EXPH5: variants seen among roughly 807,000 people sequenced by gnomAD.
The protein encoded by EXPH5 is exophilin-5.
In EXPH5, 42 loss-of-function variants were observed where a neutral mutation model predicts 41.1. The ratio of observed to expected loss-of-function variants is 1.02; its 90% CI spans 0.80 to 1.32. The LOEUF (loss-of-function observed/expected upper bound fraction) is 1.32. EXPH5 is among the 40% of genes most tolerant of loss of function. EXPH5 has a pLI of 0.00. For missense variants in EXPH5, 2,298 were observed against 2,314.5 expected (o/e 0.99, Z 0.15); for synonymous variants, 798 against 833.5 (o/e 0.96, Z 0.73).
At chr11:108,574,751 G>C (rs1222025075) in intron 1 of EXPH5, among the ~76,000 whole-genome samples, 1 of 152,138 alleles carries the variant, frequency 6.6e-6, no homozygotes, top group Non-Finnish European at 1.5e-5. Context: ...TTCTGGTCAA[G>C]GAAATATAAA....
chr11:108,517,867 T>G lies in EXPH5; in HGVS notation c.631+368A>C, dbSNP rs372217224. On this transcript the variant is annotated intron_variant, in intron 5 of 5. Transcript: ENST00000265843. The stretch of plus-strand genomic sequence containing the variant: ...TCCGCCTCCCAGGTTCAAGCACTTC[T>G]CCTGCCTCAGCCTCCCAAGTAGCTG... 9.9e-5 allele frequency among the ~76,000 whole-genome samples: 15 copies of G among 152,108 alleles called. 1 individual carries two copies. In the East Asian group the frequency reaches 1.3e-3, roughly 14 times the overall value.
chr11:108,555,180 C>A (rs2136066586), intron 1 of EXPH5, among the ~76,000 whole-genome samples: 1 of 152,362 alleles, frequency 6.6e-6, no homozygotes, highest in Non-Finnish European at 1.5e-5. Context: ...AGCTCTCACA[C>A]TGCACTGAAT....
chr11:108,595,443 G>A (rs1371046199), upstream of EXPH5, among the ~76,000 whole-genome samples: 1 of 152,142 alleles, frequency 6.6e-6, no homozygotes, highest in African/African-American at 2.4e-5. Context: ...TCTAGGCAAG[G>A]GGATCAGCGT....
chr11:108,575,830 C>T (rs984045577), intron 1 of EXPH5, among the ~76,000 whole-genome samples: 1 of 152,000 alleles, frequency 6.6e-6, no homozygotes, highest in Non-Finnish European at 1.5e-5. Context: ...AAAAATTAGC[C>T]GGGTGTGGTG....
rs763477058 is a variant in EXPH5 at position 108,538,985 on chromosome 11, AT to A, written c.443+38del. The A allele has an allele frequency of 2.0e-6, 3 of 1,494,980 alleles. No homozygotes were observed. In the East Asian group the frequency reaches 7.0e-5, roughly 35 times the overall value. 92.6% of individuals were successfully genotyped at this position (1,494,980 alleles called of 1,614,324 possible). A position where few individuals can be genotyped will look rare whatever the true frequency, so the allele number is the denominator to read the frequency against. ...ACAGGCTGCTGGCCTCTGATATCGG[AT>A]AACAAATGGGCCGTAACATGACCTG... On this transcript the variant is annotated intron_variant, in intron 3 of 5. Coordinates refer to ENST00000265843, the MANE Select transcript of EXPH5 (RefSeq NM_015065.3).
chr11:108,535,148 G>A (rs1221419337), intron 3 of EXPH5, among the ~76,000 whole-genome samples: 1 of 152,144 alleles, frequency 6.6e-6, no homozygotes, highest in African/African-American at 2.4e-5. Context: ...CAGCAGTTCC[G>A]AAATTTGAAT....
chr11:108,515,236 T>C (rs1024339653), intron 5 of EXPH5, among the ~76,000 whole-genome samples: 1 of 152,188 alleles, frequency 6.6e-6, no homozygotes, highest in Admixed American at 6.5e-5. Flanking sequence ...ATGGAATTAA[T>C]AATGCAGACA....
Position 108,509,390 on chromosome 11 carries a change from G to T in EXPH5, c.*147C>A. 1 of 649,800 alleles carries T rather than the reference G, an allele frequency of 1.5e-6. No individual in the cohort carries two copies. The highest frequency in any genetic ancestry group is 2.5e-6 in the Non-Finnish European group (1 of 394,704). 40.3% of individuals were successfully genotyped at this position (649,800 alleles called of 1,614,324 possible). A position where few individuals can be genotyped will look rare whatever the true frequency, so the allele number is the denominator to read the frequency against. On this transcript the variant is annotated 3_prime_UTR_variant, in exon 6 of 6. Transcript: ENST00000265843. Reference sequence around the variant, plus strand: ...CATTCAGGAAGTGTCTATATAGGGTGTGGAGGAAAAAAAAGGAGATGTGGG... The same window carrying T: ...CATTCAGGAAGTGTCTATATAGGGTTTGGAGGAAAAAAAAGGAGATGTGGG...
upstream of EXPH5, among the ~76,000 whole-genome samples, chr11:108,596,137 G>A (rs1051481035): frequency 6.6e-5 from 10 of 151,802 alleles, no homozygotes; most frequent in South Asian, 2.1e-4. Flanking sequence ...GGAGGTTGCA[G>A]TGAGCCGAGA....
chr11:108,584,708 G>A (rs750654834), intron 1 of EXPH5, among the ~76,000 whole-genome samples: 5 of 152,144 alleles, frequency 3.3e-5, no homozygotes, highest in Non-Finnish European at 5.9e-5. Context: ...GCATTAATAT[G>A]CAAAAATAAA....
Position 108,510,180 on chromosome 11 carries a change from T to G in EXPH5, c.5327A>C (p.Gln1776Pro). ...VSSPLASFLQ[Q>P]QRSASSLEWE... ...CTCCAGAGATGAAGCACTCCTTTGT[T>G]GCTGCAGAAAACTGGCCAGTGGACT... Residue 1776 changes from glutamine to proline, a missense_variant, in exon 6 of 6, where the codon CAA becomes CCA. Coordinates refer to ENST00000265843, the MANE Select transcript of EXPH5 (RefSeq NM_015065.3). 1.9e-6 allele frequency: 3 copies of G among 1,614,102 alleles called. No homozygotes were observed. Among genetic ancestry groups the G allele is most frequent in the Non-Finnish European group, 2.5e-6 (3 of 1,180,030 alleles).
At chr11:108,556,415 GAGA>G (rs2093990257) in intron 1 of EXPH5, among the ~76,000 whole-genome samples, 1 of 152,096 alleles carries the variant, frequency 6.6e-6, no homozygotes, top group Admixed American at 6.6e-5. Flanking sequence ...CCTACTACAG[GAGA>G]AGGTCAGTAC....
At position 108,513,178 on chromosome 11, in the gene EXPH5, C is replaced by T. The variant is rs3741048; in HGVS notation, c.2329G>A (p.Asp777Asn). 608 of 1,614,076 alleles carry T rather than the reference C, an allele frequency of 3.8e-4. 4 individuals carry two copies. In the East Asian group the frequency reaches 7.9e-3, roughly 21 times the overall value. The change falls in exon 6 of 6, where the codon GAT (aspartate) becomes AAT (asparagine). Residue 777 changes from aspartate to asparagine, a missense_variant. Physicochemically the swap from Asp to Asn is conservative, Grantham distance 23 (BLOSUM62 1). Transcript: ENST00000265843. ...TGCGGTATATACATTTTGGAGGTAT[C>T]TTTCCTGGAAAAGACTCTGGGTGAC... ...KKSPRVFSRK[D>N]TSKMYIPHTD...
At chr11:108,535,811 T>G (rs2093875953) in intron 3 of EXPH5, among the ~76,000 whole-genome samples, 1 of 152,152 alleles carries the variant, frequency 6.6e-6, no homozygotes, top group Admixed American at 6.5e-5. Flanking sequence ...TATCACTTAT[T>G]CATAGTAGGG....
intron 1 of EXPH5, among the ~76,000 whole-genome samples, chr11:108,588,354 T>C (rs2136125008): frequency 6.6e-6 from 1 of 152,296 alleles, no homozygotes; most frequent in East Asian, 1.9e-4. Context: ...GGAGATAAAA[T>C]AGCAAGAGAT....
At chr11:108,562,261 CTG>C (rs200944106) in intron 1 of EXPH5, among the ~76,000 whole-genome samples, 2 of 70,134 alleles carry the variant, frequency 2.9e-5, no homozygotes, top group South Asian at 1.2e-3. Flanking sequence ...ACAATTTTTT[CTG>C]TGTTTTTTTT....
At chr11:108,539,229 A>G (rs2093898907) in intron 2 of EXPH5, 43 bp from the exon 3 acceptor site, 1 of 1,363,752 alleles carries the variant, frequency 7.3e-7, no homozygotes, top group African/African-American at 1.5e-5. Context: ...ATTACTTCCA[A>G]GTAAATATAC....
At chr11:108,558,587 A>G (rs2064857943) in intron 1 of EXPH5, among the ~76,000 whole-genome samples, 1 of 152,064 alleles carries the variant, frequency 6.6e-6, no homozygotes, top group African/African-American at 2.4e-5. Context: ...CCTTTCTTTC[A>G]CTTTCTTTGA....
rs1453029865 is a variant in EXPH5 at position 108,514,883 on chromosome 11, G to C, written c.632-8C>G. ...TATCCAAGTCATCTAAAACTGAAAA[G>C]AGAATGTGAATCAACCTTTTTCTGT... On this transcript the variant is annotated splice_region_variant and splice_polypyrimidine_tract_variant and intron_variant, in intron 5 of 5. Transcript: ENST00000265843. The C allele has an allele frequency of 3.5e-6, 5 of 1,414,944 alleles. No homozygotes were observed. Among genetic ancestry groups the C allele is most frequent in the Non-Finnish European group, 4.6e-6 (5 of 1,081,644 alleles). The allele number at this position is 1,414,944 out of a possible 1,614,324, so 87.6% of individuals were successfully genotyped here.
Sources: allele counts gnomAD v4.1 joint callset (sites outside exome capture counted in the v4.1 genomes callset), GRCh38; gene constraint gnomAD v4.1.1; transcripts MANE v1.5; gene names NCBI Gene and HGNC (gene_info 2026-07-23, HGNC 2026-07-21).